Variants in C4orf50 observed in about 807,000 individuals in gnomAD.
C4orf50 encodes chromosome 4 open reading frame 50, also known as uncharacterized protein C4orf50.
A neutral mutation model predicts 77.2 loss-of-function variants in C4orf50; 80 were observed. The ratio of observed to expected loss-of-function variants is 1.04; its 90% CI spans 0.87 to 1.25. C4orf50 has a LOEUF of 1.25. C4orf50 is among the 50% of genes most tolerant of loss of function. The pLI is 0.00. For missense variants in C4orf50, 1,257 were observed against 1,152.9 expected (o/e 1.09, Z -1.31); for synonymous variants, 532 against 465.3 (o/e 1.14, Z -1.84).
intron 26 of C4orf50, 110 bp from the exon 5 acceptor site, chr4:5,993,040 C>A (rs1226770641): frequency 1.0e-5 from 4 of 393,010 alleles, no homozygotes; most frequent in Admixed American, 4.4e-5. Flanking sequence ...ACCCCCCCCA[C>A]CCCCGACTGT....
exon 34 of C4orf50, chr4:5,959,459 C>G (rs752133391): frequency 1.1e-5 from 18 of 1,614,164 alleles, no homozygotes; most frequent in Non-Finnish European, 1.4e-5. Context: ...AAGCCAGGAT[C>G]CTTGCTGGGC....
chr4:5,914,752 A>G (rs927541014), intron 7 of C4orf50, among the ~76,000 whole-genome samples: 2 of 152,226 alleles, frequency 1.3e-5, no homozygotes, highest in Non-Finnish European at 2.9e-5. Context: ...AGTTATTTGT[A>G]CTTGATCTCA....
intron 7 of C4orf50, among the ~76,000 whole-genome samples, chr4:5,936,342 A>G (rs1275611938): frequency 6.6e-6 from 1 of 152,108 alleles, no homozygotes; most frequent in African/African-American, 2.4e-5. Context: ...CGGGTGGATC[A>G]CCTGAAGTCA....
chr4:5,904,712 C>G (rs754186181), intron 7 of C4orf50: 1 of 152,200 alleles, frequency 6.6e-6, no homozygotes, highest in African/African-American at 2.4e-5. Flanking sequence ...CTGATGAAAT[C>G]CATGCTCCTT....
exon 28 of C4orf50, chr4:5,990,306 C>T: frequency 1.9e-6 from 2 of 1,066,764 alleles, no homozygotes; most frequent in Non-Finnish European, 2.4e-6. Context: ...CCTGACTTAG[C>T]TGGTACTTGT....
At chr4:5,968,628 T>G (rs888423068) in intron 31 of C4orf50, among the ~76,000 whole-genome samples, 1 of 152,246 alleles carries the variant, frequency 6.6e-6, no homozygotes. Context: ...TGTTAAATCC[T>G]GCTTTCTGTC....
chr4:6,009,633 A>G lies in C4orf50; in HGVS notation c.427-1101T>C, dbSNP rs1722405801. 6.6e-6 allele frequency among the ~76,000 whole-genome samples: 1 copy of G among 152,196 alleles called. No homozygotes were observed. The highest frequency in any genetic ancestry group is 6.6e-5 in the Admixed American group (1 of 15,258). ...ACAGCTTTCAGAATGACCGCAGGTC[A>G]CTACAGAAACGAGGCATCTTCATAT... is the stretch of plus-strand genomic sequence containing the variant. On this transcript the variant is annotated intron_variant, in intron 24 of 33. Coordinates refer to ENST00000531445, the Ensembl canonical transcript of C4orf50. The surrounding 1 kb of genome is among the most constrained non-coding windows in gnomAD (Gnocchi z 5.6).
Position 5,989,348 on chromosome 4 carries a change from G to A in C4orf50, c.2698C>T (p.His900Tyr), listed in dbSNP as rs1455958444. The A allele has an allele frequency of 2.6e-6, 4 of 1,535,914 alleles. No individual in the cohort carries two copies. In the South Asian group the frequency reaches 3.6e-5, roughly 14 times the overall value. ...GGGTTTGGGCTGGCTTCATCCCAAT[G>A]AGGCAGTGTCCCTGGGTTACCAGGA... Residue 900 changes from histidine (H) to tyrosine (Y), a missense_variant, in exon 28 of 34, where the codon CAT becomes TAT. Transcript: ENST00000531445.
At chr4:5,978,112 A>G (rs1720386465) in intron 29 of C4orf50, among the ~76,000 whole-genome samples, 1 of 152,228 alleles carries the variant, frequency 6.6e-6, no homozygotes. Flanking sequence ...CTCAAAACCA[A>G]TGAGAGACAA....
At chr4:5,968,457 C>T (rs1429609338) in intron 31 of C4orf50, among the ~76,000 whole-genome samples, 1 of 152,170 alleles carries the variant, frequency 6.6e-6, no homozygotes, top group Non-Finnish European at 1.5e-5. Context: ...TGGGAGGCTT[C>T]GGTACCAGGC....
chr4:6,012,954 C>T (rs954857737), intron 23 of C4orf50, among the ~76,000 whole-genome samples: 2 of 152,200 alleles, frequency 1.3e-5, no homozygotes, highest in Non-Finnish European at 2.9e-5. Flanking sequence ...CCCAAGTCCA[C>T]GCTGGGCACC....
chr4:6,016,744 G>C (rs147982536), intron 23 of C4orf50, among the ~76,000 whole-genome samples: 19 of 151,702 alleles, frequency 1.3e-4, no homozygotes, highest in African/African-American at 4.6e-4. Flanking sequence ...TGAAAGAATG[G>C]GCAATCACAT....
At chr4:5,953,328 C>T (rs533668043), downstream of C4orf50, among the ~76,000 whole-genome samples, 2 of 152,250 alleles carry the variant, frequency 1.3e-5, no homozygotes, top group African/African-American at 2.4e-5. Context: ...AGTAATATTG[C>T]GGCTACAGTT....
chr4:5,914,506 T>A (rs962584171), intron 7 of C4orf50, among the ~76,000 whole-genome samples: 1 of 152,144 alleles, frequency 6.6e-6, no homozygotes, highest in Admixed American at 6.5e-5. Flanking sequence ...GCCTGGCCTT[T>A]TATGGGTTTT....
chr4:5,964,399 C>G (rs1719435810), intron 33 of C4orf50, among the ~76,000 whole-genome samples: 1 of 151,888 alleles, frequency 6.6e-6, no homozygotes, highest in African/African-American at 2.4e-5. Context: ...AAAGGAAGTC[C>G]TCTGTGGATG....
At chr4:5,934,217 T>C (rs1261808737) in intron 7 of C4orf50, among the ~76,000 whole-genome samples, 2 of 151,896 alleles carry the variant, frequency 1.3e-5, no homozygotes, top group African/African-American at 4.8e-5. Context: ...AGGTGGACAG[T>C]GTTTGGCGGC....
At chr4:5,918,773 A>G (rs908280697) in intron 7 of C4orf50, among the ~76,000 whole-genome samples, 10 of 152,194 alleles carry the variant, frequency 6.6e-5, no homozygotes, top group Admixed American at 5.9e-4. Flanking sequence ...GCCCCACTGC[A>G]GGGGTCAGCC....
chr4:6,016,636 C>T (rs574235757), intron 23 of C4orf50, among the ~76,000 whole-genome samples: 5 of 152,132 alleles, frequency 3.3e-5, no homozygotes, highest in South Asian at 2.1e-4. Flanking sequence ...CTATAGACAA[C>T]GTTCAGTGAG....
At chr4:5,985,365 T>G (rs1720802862) in intron 28 of C4orf50, among the ~76,000 whole-genome samples, 2 of 152,130 alleles carry the variant, frequency 1.3e-5, no homozygotes, top group South Asian at 4.1e-4. Context: ...ATAAGATTTA[T>G]TCTACATAGG....
Sources: allele counts gnomAD v4.1 joint callset (sites outside exome capture counted in the v4.1 genomes callset), GRCh38; gene constraint gnomAD v4.1.1; non-coding constraint Gnocchi (gnomAD v3.1); transcripts MANE v1.5; gene names NCBI Gene and HGNC (gene_info 2026-07-23, HGNC 2026-07-21).